Variants in PPP2R2B observed in about 807,000 individuals in gnomAD.
PPP2R2B encodes the protein protein phosphatase 2 regulatory subunit Bbeta.
PPP2R2B carries 5 observed loss-of-function variants against 46.0 expected under a neutral mutation model. The ratio of observed to expected loss-of-function variants is 0.11; its 90% CI spans 0.06 to 0.23. The LOEUF (loss-of-function observed/expected upper bound fraction) is 0.23. Ranked by LOEUF, PPP2R2B falls within the 10% of genes least tolerant of loss-of-function variation. PPP2R2B has a pLI of 1.00. For synonymous variants in PPP2R2B, 215 were observed against 206.7 expected (o/e 1.04, Z -0.34); for missense variants, 367 against 575.0 (o/e 0.64, Z 3.70).
rs2150989841 is a variant in PPP2R2B at position 146,585,307 on chromosome 5, G to A, written c.*4640C>T. On this transcript the variant is annotated 3_prime_UTR_variant, in exon 10 of 10. Transcript: ENST00000394411. ...ACACACACACACACACACACATAAT[G>A]TATGATGGGGATAGTGGATAAGAAC... The A allele has an allele frequency of 1.1e-5, 1 of 94,598 alleles. No homozygotes were observed. Among genetic ancestry groups the A allele is most frequent in the East Asian group, 3.2e-4 (1 of 3,144 alleles). 5.9% of individuals were successfully genotyped at this position (94,598 alleles called of 1,614,324 possible).
chr5:146,630,411 C>T (rs1378383555), intron 7 of PPP2R2B, among the ~76,000 whole-genome samples: 2 of 152,188 alleles, frequency 1.3e-5, no homozygotes, highest in Non-Finnish European at 2.9e-5. Context: ...TCCTTAAAGG[C>T]AGAAACCAGC....
chr5:146,861,662 C>T (rs995516104), intron 2 of PPP2R2B, among the ~76,000 whole-genome samples: 1 of 152,138 alleles, frequency 6.6e-6, no homozygotes, highest in South Asian at 2.1e-4. Context: ...AACTGTCATA[C>T]ATTATAAACA....
chr5:146,985,023 T>C (rs2400233), intron 1 of PPP2R2B, among the ~76,000 whole-genome samples: 1,617 of 137,176 alleles, frequency 0.012, 24 homozygotes, highest in African/African-American at 0.045. Context: ...TTTTCTTTTT[T>C]TTTTTTTTTT....
intron 2 of PPP2R2B, among the ~76,000 whole-genome samples, chr5:146,719,598 G>T (rs1317858797): frequency 3.3e-5 from 5 of 152,142 alleles, no homozygotes; most frequent in Non-Finnish European, 5.9e-5. Context: ...ATTTGTTGTT[G>T]TTGTTCCCAG....
chr5:146,885,290 C>T (rs1295289454), intron 1 of PPP2R2B, among the ~76,000 whole-genome samples: 4 of 152,168 alleles, frequency 2.6e-5, no homozygotes, highest in African/African-American at 9.7e-5. Context: ...CATGATCTGT[C>T]TCTACAGCCC....
chr5:147,029,890 C>A (rs1381301527), intron 1 of PPP2R2B, among the ~76,000 whole-genome samples: 1 of 151,092 alleles, frequency 6.6e-6, no homozygotes, highest in Non-Finnish European at 1.5e-5. Flanking sequence ...TTGAAGCTAC[C>A]CAGTCTCTGA....
At chr5:146,825,737 C>T (rs1026292303) in intron 2 of PPP2R2B, among the ~76,000 whole-genome samples, 5 of 152,138 alleles carry the variant, frequency 3.3e-5, no homozygotes, top group Non-Finnish European at 5.9e-5. Context: ...TTTGGAAGTG[C>T]TGTAGTTTAA....
intron 2 of PPP2R2B, among the ~76,000 whole-genome samples, chr5:146,795,790 T>C (rs1224821817): frequency 6.6e-6 from 1 of 152,206 alleles, no homozygotes; most frequent in Non-Finnish European, 1.5e-5. Flanking sequence ...CAAACTGTTT[T>C]GTCAATTACA....
At chr5:146,703,940 C>T (rs1779687581) in intron 2 of PPP2R2B, among the ~76,000 whole-genome samples, 1 of 152,204 alleles carries the variant, frequency 6.6e-6, no homozygotes, top group African/African-American at 2.4e-5. Flanking sequence ...AGAGTCCTTA[C>T]CTTTATTTTA....
At chr5:146,847,501 G>A (rs1304495633) in intron 2 of PPP2R2B, among the ~76,000 whole-genome samples, 3 of 152,168 alleles carry the variant, frequency 2.0e-5, no homozygotes, top group Admixed American at 6.6e-5. Flanking sequence ...AGCAGCAGGT[G>A]TGTCTGGTAC....
chr5:146,665,121 A>G (rs1016057876), intron 5 of PPP2R2B, among the ~76,000 whole-genome samples: 1 of 152,194 alleles, frequency 6.6e-6, no homozygotes, highest in Non-Finnish European at 1.5e-5. Flanking sequence ...CTTCAACTTA[A>G]AGTCACCAGC....
intron 1 of PPP2R2B, among the ~76,000 whole-genome samples, chr5:146,959,078 A>G (rs1363446060): frequency 6.6e-6 from 1 of 152,242 alleles, no homozygotes; most frequent in African/African-American, 2.4e-5. Context: ...TTTAATAAAT[A>G]TCTAGGAAAA....
intron 5 of PPP2R2B, among the ~76,000 whole-genome samples, chr5:146,651,615 G>A (rs1023656614): frequency 2.0e-5 from 3 of 152,124 alleles, no homozygotes; most frequent in East Asian, 3.9e-4. Context: ...ACTAATGCCT[G>A]AGAGGGAACA....
intron 7 of PPP2R2B, among the ~76,000 whole-genome samples, chr5:146,628,061 C>T (rs1339782663): frequency 6.6e-6 from 1 of 152,060 alleles, no homozygotes; most frequent in Non-Finnish European, 1.5e-5. Context: ...TCTCCTGCCT[C>T]AGCCTCCTGA....
intron 2 of PPP2R2B, among the ~76,000 whole-genome samples, chr5:146,711,066 G>A (rs1466382407): frequency 6.6e-6 from 1 of 152,070 alleles, no homozygotes; most frequent in East Asian, 1.9e-4. Flanking sequence ...CCCATACTTT[G>A]CCTTTATAAG....
In PPP2R2B at chr5:147,048,430, A is replaced by G. The variant is rs1378559742; in HGVS notation, c.79+7235T>C. ...TAGTACTTATCTCATAATATTTTTG[A>G]GAGATAGTAACTGTGAAGTACTTAG... On this transcript the variant is annotated intron_variant, in intron 1 of 8. Coordinates refer to the PPP2R2B transcript ENST00000336640. Among the ~76,000 whole-genome samples the G allele has an allele frequency of 3.3e-5, 5 of 152,312 alleles. No individual in the cohort carries two copies. In the East Asian group the frequency reaches 9.6e-4, roughly 29 times the overall value.
chr5:146,715,145 TG>T (rs1226316785), intron 2 of PPP2R2B, among the ~76,000 whole-genome samples: 1 of 152,228 alleles, frequency 6.6e-6, no homozygotes, highest in Non-Finnish European at 1.5e-5. Flanking sequence ...ATCCTTTCCC[TG>T]TGCAAGATTT....
intron 5 of PPP2R2B, among the ~76,000 whole-genome samples, chr5:146,670,342 T>C (rs1777264790): frequency 6.6e-6 from 1 of 152,148 alleles, no homozygotes; most frequent in African/African-American, 2.4e-5. Flanking sequence ...ACTCAGTTGG[T>C]CTGAGGTGAG....
chr5:146,928,163 T>C (rs1763844686), intron 1 of PPP2R2B, among the ~76,000 whole-genome samples: 1 of 152,214 alleles, frequency 6.6e-6, no homozygotes, highest in Non-Finnish European at 1.5e-5. Context: ...TGCCTCAAGC[T>C]CAGCTCCTGT....
Sources: allele counts gnomAD v4.1 joint callset (sites outside exome capture counted in the v4.1 genomes callset), GRCh38; gene constraint gnomAD v4.1.1; transcripts MANE v1.5; gene names NCBI Gene and HGNC (gene_info 2026-07-23, HGNC 2026-07-21).